Variants in DDX59 observed in about 807,000 individuals in gnomAD.
DDX59 encodes DEAD-box helicase 59.
Under a neutral mutation model 51.9 loss-of-function variants are expected in DDX59, and 30 were observed. The observed-to-expected ratio is 0.58, with a 90% CI of 0.43 to 0.78. The LOEUF is 0.78. DDX59 is among the 30% of genes least tolerant of loss of function. The pLI, the probability that DDX59 is intolerant of heterozygous loss-of-function variation, is 0.00. For synonymous variants in DDX59, 255 were observed against 253.3 expected (o/e 1.01, Z -0.06); for missense variants, 672 against 730.8 (o/e 0.92, Z 0.93).
Position 200,661,608 on chromosome 1 carries a change from A to G in DDX59, c.972+2311T>C, listed in dbSNP as rs1218045304. Among the ~76,000 whole-genome samples the G allele has an allele frequency of 3.9e-5, 6 of 152,324 alleles. No homozygotes were observed. The East Asian group carries it at 9.6e-4, about 24-fold the overall frequency. On this transcript the variant is annotated intron_variant, in intron 3 of 7. Transcript: ENST00000331314. ...CCTTAAAAGGGCCAAGATTATGAGG[A>G]AAAAAGGAAAGATGGAAGAGCTGTT...
intron 3 of DDX59, among the ~76,000 whole-genome samples, chr1:200,663,352 G>A (rs1254317376): frequency 2.0e-5 from 3 of 152,148 alleles, no homozygotes; most frequent in African/African-American, 7.2e-5. Context: ...GGTATCTTCA[G>A]CCACCCATTC....
chr1:200,649,218 TTTC>T lies in DDX59; in HGVS notation c.1320_1322del (p.Lys441del). ...ATACTAACACTGGAGGCTTAAAGAG[TTTC>T]TTATCCTGAAAAATTAAAAACATAT... On this transcript the variant is annotated inframe_deletion, in exon 6 of 8. Transcript: ENST00000331314. The T allele has an allele frequency of 6.4e-7, 1 of 1,561,182 alleles. No homozygotes were observed. Among genetic ancestry groups the T allele is most frequent in the Middle Eastern group, 1.7e-4 (1 of 5,928 alleles).
intron 3 of DDX59, among the ~76,000 whole-genome samples, chr1:200,661,364 C>T (rs1662364425): frequency 6.6e-6 from 1 of 151,606 alleles, no homozygotes; most frequent in African/African-American, 2.4e-5. Flanking sequence ...CCTCAAAGTA[C>T]TCTCCCCAAA....
intron 4 of DDX59, among the ~76,000 whole-genome samples, chr1:200,652,440 C>T (rs756980295): frequency 1.3e-5 from 2 of 152,026 alleles, no homozygotes; most frequent in Admixed American, 6.6e-5. Flanking sequence ...GTGGTGCCAC[C>T]TTGGCTTACT....
rs537445274 is a variant in DDX59 at position 200,667,015 on chromosome 1, G to A, written c.-11-264C>T. 5.5e-4 allele frequency among the ~76,000 whole-genome samples: 84 copies of A among 152,114 alleles called. 1 individual carries two copies. Among genetic ancestry groups the A allele is most frequent in the African/African-American group, 1.9e-3 (79 of 41,470 alleles). ...CCCACCTATTCGGGAGGCTGAGGCA[G>A]GAGAATCACTTGATCCCGGGGGGCA... On this transcript the variant is annotated intron_variant, in intron 1 of 7. Coordinates refer to ENST00000331314, the MANE Select transcript of DDX59 (RefSeq NM_001031725.6).
intron 4 of DDX59, among the ~76,000 whole-genome samples, chr1:200,657,736 A>G (rs2808232): frequency 0.99 from 141,594 of 143,240 alleles, 70,002 homozygotes; most frequent in Middle Eastern, 1. Flanking sequence ...ATGACAGAGC[A>G]AGACTCTGTC....
downstream of DDX59, among the ~76,000 whole-genome samples, chr1:200,642,925 GA>G (rs1182485000): frequency 6.6e-6 from 1 of 152,192 alleles, no homozygotes; most frequent in Non-Finnish European, 1.5e-5. Flanking sequence ...GGTCAACAGA[GA>G]CCACGGGAAG....
intron 7 of DDX59, among the ~76,000 whole-genome samples, chr1:200,646,347 C>T (rs1200644415): frequency 6.6e-6 from 1 of 150,938 alleles, no homozygotes; most frequent in Non-Finnish European, 1.5e-5. Context: ...AAAAAACAAA[C>T]AAACAAAAAA....
At chr1:200,668,722 T>C (rs183956047) in intron 1 of DDX59, among the ~76,000 whole-genome samples, 24 of 152,312 alleles carry the variant, frequency 1.6e-4, no homozygotes, top group Admixed American at 4.6e-4. Flanking sequence ...GATAATCAAC[T>C]AAGAGCCAGG....
rs1295538378 is a variant in DDX59, at chr1:200,657,816, C to T, written c.1062+1211G>A. ...CCTGTAATCCCAGCTACTCAGGAGG[C>T]TGAGGCAGGAGAACCACTTGAACGC... is the stretch of plus-strand genomic sequence containing the variant. On this transcript the variant is annotated intron_variant, in intron 4 of 7. Transcript: ENST00000331314. Among the ~76,000 whole-genome samples, 3 of 151,632 alleles carry T rather than the reference C, an allele frequency of 2.0e-5. No individual in the cohort carries two copies. The East Asian group carries it at 5.8e-4, about 29-fold the overall frequency.
At chr1:200,653,360 G>T (rs937616657) in intron 4 of DDX59, among the ~76,000 whole-genome samples, 7 of 152,116 alleles carry the variant, frequency 4.6e-5, no homozygotes, top group Admixed American at 2.6e-4. Context: ...AGCGCCATCA[G>T]AAACTCTTAT....
chr1:200,662,442 C>T (rs959153587), intron 3 of DDX59, among the ~76,000 whole-genome samples: 3 of 152,034 alleles, frequency 2.0e-5, no homozygotes, highest in Non-Finnish European at 2.9e-5. Flanking sequence ...ATCACCTGAG[C>T]TCAGGAGTTT....
intron 4 of DDX59, among the ~76,000 whole-genome samples, 177 bp from the exon 5 acceptor site, chr1:200,650,853 A>C (rs1661616067): frequency 6.6e-6 from 1 of 152,222 alleles, no homozygotes; most frequent in Non-Finnish European, 1.5e-5. Context: ...CTGTGCAACT[A>C]AATGTTTACA....
chr1:200,663,938 C>G lies in DDX59; in HGVS notation c.953G>C (p.Arg318Pro), dbSNP rs777923913. Residue 318 changes from arginine (R) to proline (P), a missense_variant, in exon 3 of 8, where the codon CGT (arginine) becomes CCT (proline). Coordinates refer to ENST00000331314, the MANE Select transcript of DDX59 (RefSeq NM_001031725.6). ...GGLPLPPQLY[R>P]LQQHVKVIIA... is the part of the protein sequence containing the mutation. Reference sequence around the variant, plus strand: ...GCTTACCTTAACATGTTGTTGCAGACGATAAAGCTGTGGGGGTAAGGGTAA... The same window carrying G: ...GCTTACCTTAACATGTTGTTGCAGAGGATAAAGCTGTGGGGGTAAGGGTAA... 8.1e-6 allele frequency: 13 copies of G among 1,612,312 alleles called. No homozygotes were observed. The highest frequency in any genetic ancestry group is 1.1e-5 in the South Asian group (1 of 90,748).
rs745656038 is a variant in DDX59, at chr1:200,666,399, A to G, written c.342T>C (p.Tyr114=). 5.9e-5 allele frequency: 95 copies of G among 1,614,044 alleles called. No homozygotes were observed. The highest frequency in any genetic ancestry group is 7.8e-5 in the Non-Finnish European group (92 of 1,180,036). Residue 114 remains tyrosine, a synonymous_variant, in exon 2 of 8, where the codon TAT becomes TAC. Transcript: ENST00000331314. The part of the protein sequence containing the change: ...GEPICVVCGR[Y]GEYICDKTDE... ...CTGTCTTATCACAGATATACTCTCCATAACGACCACAGACAACACAGATGG... is the reference window on the plus strand; with the variant it reads ...CTGTCTTATCACAGATATACTCTCCGTAACGACCACAGACAACACAGATGG...
intron 1 of DDX59, among the ~76,000 whole-genome samples, chr1:200,669,078 T>C (rs189356979): frequency 6.6e-6 from 1 of 152,232 alleles, no homozygotes; most frequent in Non-Finnish European, 1.5e-5. Context: ...TGAATCTGGC[T>C]CAAAATAAAT....
At chr1:200,644,628 G>T in intron 7 of DDX59, 111 bp from the exon 8 acceptor site, 1 of 1,315,086 alleles carries the variant, frequency 7.6e-7, no homozygotes, top group Non-Finnish European at 1.0e-6. Context: ...GGGTGCAGTG[G>T]CTCACGCCTG....
At chr1:200,649,874 G>A (rs534649576) in intron 5 of DDX59, among the ~76,000 whole-genome samples, 2 of 142,594 alleles carry the variant, frequency 1.4e-5, no homozygotes, top group East Asian at 4.1e-4. Flanking sequence ...ACAGAGTCTC[G>A]CTCTGTCACC....
intron 1 of DDX59, among the ~76,000 whole-genome samples, chr1:200,668,159 T>C (rs1032103246): frequency 6.6e-6 from 1 of 151,922 alleles, no homozygotes; most frequent in Admixed American, 6.6e-5. Context: ...CAAAAAAAAT[T>C]AGCCGGGCGT....
Sources: gnomAD v4.1 joint callset for allele counts (sites outside exome capture counted in the v4.1 genomes callset) on GRCh38, gnomAD v4.1.1 for gene constraint, MANE v1.5 for transcripts, NCBI Gene and HGNC (gene_info 2026-07-23, HGNC 2026-07-21) for gene names.